Variants in ZNF268 observed in about 807,000 individuals in gnomAD.
ZNF268 encodes the protein zinc finger protein 268, also known as zinc finger protein 3.
Under a neutral mutation model 29.3 loss-of-function variants are expected in ZNF268, and 20 were observed. The ratio of observed to expected loss-of-function variants is 0.68; its 90% CI spans 0.48 to 0.99. ZNF268 has a LOEUF of 0.99. Among genes scored for constraint, ZNF268 ranks in the 50% least tolerant of loss-of-function variants. The pLI, the probability that ZNF268 is intolerant of heterozygous loss-of-function variation, is 0.00. For missense variants in ZNF268, 1,240 were observed against 1,121.6 expected (o/e 1.11, Z -1.51); for synonymous variants, 429 against 376.9 (o/e 1.14, Z -1.60).
rs919080528 is a variant in ZNF268, at chr12:133,212,249, C to G, written c.*7719C>G. The G allele has an allele frequency of 7.9e-5, 12 of 151,944 alleles. No homozygotes were observed. Among genetic ancestry groups the G allele is most frequent in the Middle Eastern group, 3.4e-3 (1 of 294 alleles). 9.4% of individuals were successfully genotyped at this position (151,944 alleles called of 1,614,324 possible). On this transcript the variant is annotated 3_prime_UTR_variant, in exon 6 of 6. Transcript: ENST00000536435. ...AAATAGGAGGATATAATGATAGAAA[C>G]AGGCACAAATGGGCCTTTGGAGAGT... is the stretch of plus-strand genomic sequence containing the variant.
chr12:133,193,549 G>T, intron 5 of ZNF268: 1 of 655,904 alleles, frequency 1.5e-6, no homozygotes. Context: ...GAACACTGTG[G>T]GACAGAAAGA....
In ZNF268 at chr12:133,211,091, C is replaced by T. The variant is rs1430156306; in HGVS notation, c.*6561C>T. 2 of 443,502 alleles carry T rather than the reference C, an allele frequency of 4.5e-6. No homozygotes were observed. Among genetic ancestry groups the T allele is most frequent in the African/African-American group, 4.0e-5 (2 of 49,548 alleles). The allele number at this position is 443,502 out of a possible 1,614,324, so 27.5% of individuals were successfully genotyped here. On this transcript the variant is annotated 3_prime_UTR_variant, in exon 6 of 6. Coordinates refer to ENST00000536435, the MANE Select transcript of ZNF268 (RefSeq NM_003415.3). ...AGATAATAAAAGGCAAAGTAGATGG[C>T]CATAGACAAAAGTCAAGTGATTTCC...
intron 3 of ZNF268, among the ~76,000 whole-genome samples, chr12:133,188,888 T>C (rs555170458): frequency 3.9e-5 from 6 of 152,304 alleles, no homozygotes; most frequent in African/African-American, 1.4e-4. Flanking sequence ...TGAACAGATA[T>C]TTCTAACTTT....
At chr12:133,201,563 C>T (rs1956753045) in intron 5 of ZNF268, among the ~76,000 whole-genome samples, 1 of 151,942 alleles carries the variant, frequency 6.6e-6, no homozygotes, top group South Asian at 2.1e-4. Flanking sequence ...GTTTTTGTTT[C>T]AGTTTTGATT....
chr12:133,204,287 T>G lies in ZNF268; in HGVS notation c.2601T>G (p.Ser867Arg). 1 of 1,554,478 alleles carries G rather than the reference T, an allele frequency of 6.4e-7. No homozygotes were observed. The highest frequency in any genetic ancestry group is 8.7e-7 in the Non-Finnish European group (1 of 1,153,194). ...MHTREKPYEC[S>R]ECGKAFIRNS... is the part of the protein sequence containing the mutation. ...CAAGAGAGAAACCATATGAATGCAGTGAGTGTGGAAAAGCCTTCATTAGGA... is the reference window on the plus strand; with the variant it reads ...CAAGAGAGAAACCATATGAATGCAGGGAGTGTGGAAAAGCCTTCATTAGGA... The change falls in exon 6 of 6, where the codon AGT (serine) becomes AGG (arginine). Residue 867 changes from serine to arginine, a missense_variant. Ser to Arg is a moderately radical substitution (Grantham distance 110). This residue lies in a region of ZNF268 where 1,177 missense variants were observed against 1,039.6 expected (regional missense o/e 1.13). Coordinates refer to ENST00000536435, the MANE Select transcript of ZNF268 (RefSeq NM_003415.3).
chr12:133,198,112 G>A (rs1956656598), intron 5 of ZNF268, among the ~76,000 whole-genome samples: 1 of 151,356 alleles, frequency 6.6e-6, no homozygotes. Flanking sequence ...CCTTGCCCAT[G>A]CCTATGTCCT....
chr12:133,196,739 C>G (rs1956608597), intron 5 of ZNF268, among the ~76,000 whole-genome samples: 1 of 152,150 alleles, frequency 6.6e-6, no homozygotes, highest in Admixed American at 6.6e-5. Context: ...AATAATATCA[C>G]TCCTTCTCAA....
Position 133,203,001 on chromosome 12 carries a change from A to T in ZNF268, c.1315A>T (p.Thr439Ser), listed in dbSNP as rs1215031327. ...CCTTATGGTACATCAGAGAACCCATACAGGGGAGAAACCTTATGTTTGTAG... is the reference window on the plus strand; with the variant it reads ...CCTTATGGTACATCAGAGAACCCATTCAGGGGAGAAACCTTATGTTTGTAG... ...SNLMVHQRTH[T>S]GEKPYVCSDC... The change falls in exon 6 of 6, where the codon ACA (threonine) becomes TCA (serine). Residue 439 changes from threonine (T) to serine (S), a missense_variant. By Grantham distance (58) the Thr-to-Ser change is moderately conservative. Coordinates refer to ENST00000536435, the MANE Select transcript of ZNF268 (RefSeq NM_003415.3). The T allele has an allele frequency of 1.9e-6, 3 of 1,548,452 alleles. No homozygotes were observed. Among genetic ancestry groups the T allele is most frequent in the Non-Finnish European group, 2.6e-6 (3 of 1,152,438 alleles).
In ZNF268 at chr12:133,202,394, T is replaced by C. The variant is rs776727752; in HGVS notation, c.708T>C (p.His236=). ...AGGTACATGGAAAATCATTCTTCCA[T>C]TCTAAACATGAGCAAACTGTTATTG... ...GFQVHGKSFF[H]SKHEQTVIGI... The change falls in exon 6 of 6, where the codon CAT becomes CAC. Residue 236 remains histidine (H), a synonymous_variant. Coordinates refer to ENST00000536435, the MANE Select transcript of ZNF268 (RefSeq NM_003415.3). The C allele has an allele frequency of 1.2e-6, 2 of 1,611,362 alleles. No individual in the cohort carries two copies. Among genetic ancestry groups the C allele is most frequent in the South Asian group, 2.2e-5 (2 of 90,822 alleles).
At position 133,213,833 on chromosome 12, in the gene ZNF268, A is replaced by C. The variant is rs1214357530; in HGVS notation, c.*9303A>C. 6.6e-6 allele frequency: 1 copy of C among 152,130 alleles called. No individual in the cohort carries two copies. The highest frequency in any genetic ancestry group is 6.6e-5 in the Admixed American group (1 of 15,254). 9.4% of individuals were successfully genotyped at this position (152,130 alleles called of 1,614,324 possible). A position where few individuals can be genotyped will look rare whatever the true frequency, so the allele number is the denominator to read the frequency against. ...GCTAATGTGGTGAAACCCTGTCTCTACAAAAAAATACAAAAAATTAGCCAG... is the reference window on the plus strand; with the variant it reads ...GCTAATGTGGTGAAACCCTGTCTCTCCAAAAAAATACAAAAAATTAGCCAG... On this transcript the variant is annotated 3_prime_UTR_variant, in exon 6 of 6. Coordinates refer to ENST00000536435, the MANE Select transcript of ZNF268 (RefSeq NM_003415.3).
chr12:133,193,467 G>T (rs780337637), intron 5 of ZNF268: 13 of 697,304 alleles, frequency 1.9e-5, no homozygotes, highest in Non-Finnish European at 3.4e-5. Flanking sequence ...GTGCTGGCAG[G>T]TTTGGTGTCT....
chr12:133,202,426 AATACT>A lies in ZNF268; in HGVS notation c.741_745del (p.Tyr248Ter). 1 of 1,610,846 alleles carries A rather than the reference AATACT, an allele frequency of 6.2e-7. No individual in the cohort carries two copies. The highest frequency in any genetic ancestry group is 8.5e-7 in the Non-Finnish European group (1 of 1,178,270). On this transcript the variant is annotated frameshift_variant, in exon 6 of 6. Coordinates refer to ENST00000536435, the MANE Select transcript of ZNF268 (RefSeq NM_003415.3). LOFTEE classifies it low-confidence loss of function (END_TRUNC). ...CATGAGCAAACTGTTATTGGAATAA[AATACT>A]GTGAAAGTATTGAATCTGGAAAAAC...
chr12:133,183,490 ACT>A (rs1956228024), intron 2 of ZNF268, among the ~76,000 whole-genome samples: 1 of 150,436 alleles, frequency 6.6e-6, no homozygotes, highest in South Asian at 2.1e-4. Context: ...ACAGAGCAAG[ACT>A]CTGTCTCAAA....
intron 2 of ZNF268, among the ~76,000 whole-genome samples, chr12:133,184,168 C>T (rs899532521): frequency 1.3e-5 from 2 of 151,168 alleles, no homozygotes; most frequent in Admixed American, 6.6e-5. Flanking sequence ...TGCGGTGGCG[C>T]GATCTTGGCT....
Position 133,208,402 on chromosome 12 carries a change from A to G in ZNF268, c.*3872A>G, listed in dbSNP as rs1031427353. ...TCCCATCTACTCGGGAGGCTGAGGC[A>G]GAAGAATTGCTTGAACCTAGGAGGT... On this transcript the variant is annotated 3_prime_UTR_variant, in exon 6 of 6. Coordinates refer to ENST00000536435, the MANE Select transcript of ZNF268 (RefSeq NM_003415.3). 3.3e-5 allele frequency: 5 copies of G among 152,280 alleles called. No homozygotes were observed. Among genetic ancestry groups the G allele is most frequent in the Non-Finnish European group, 5.9e-5 (4 of 68,128 alleles). 9.4% of individuals were successfully genotyped at this position (152,280 alleles called of 1,614,324 possible).
Position 133,203,298 on chromosome 12 carries a change from A to G in ZNF268, c.1612A>G (p.Ser538Gly), listed in dbSNP as rs1188723049. 18 of 1,540,684 alleles carry G rather than the reference A, an allele frequency of 1.2e-5. No homozygotes were observed. The Middle Eastern group carries it at 5.0e-4, about 43-fold the overall frequency. Residue 538 changes from serine to glycine, a missense_variant, in exon 6 of 6, where the codon AGT becomes GGT. This residue lies in a region of ZNF268 where 1,177 missense variants were observed against 1,039.6 expected (regional missense o/e 1.13). Coordinates refer to ENST00000536435, the MANE Select transcript of ZNF268 (RefSeq NM_003415.3). ...HECNNCGKAF[S>G]FKSQLIIHQR... Reference sequence around the variant, plus strand: ...ATGCAACAATTGTGGGAAAGCCTTCAGTTTTAAATCACAGCTCATTATACA... The same window carrying G: ...ATGCAACAATTGTGGGAAAGCCTTCGGTTTTAAATCACAGCTCATTATACA...
At chr12:133,197,372 A>C (rs1271760731) in intron 5 of ZNF268, among the ~76,000 whole-genome samples, 1 of 150,720 alleles carries the variant, frequency 6.6e-6, no homozygotes, top group African/African-American at 2.4e-5. Flanking sequence ...TGAACTCATC[A>C]TTTTTTATGG....
At chr12:133,198,126 T>A (rs1244184122) in intron 5 of ZNF268, among the ~76,000 whole-genome samples, 3 of 150,854 alleles carry the variant, frequency 2.0e-5, no homozygotes, top group Non-Finnish European at 3.0e-5. Context: ...ATGTCCTGAA[T>A]GGTAATGCCT....
rs762236210 is a variant in ZNF268 at position 133,204,075 on chromosome 12, A to G, written c.2389A>G (p.Ile797Val). ...TTTTAGCAGCAAGTCATACCTAATT[A>G]TACACATGAGAACTCATTCAGGTGA... The part of the protein sequence containing the change: ...KAFSSKSYLI[I>V]HMRTHSGEKP... The change falls in exon 6 of 6, where the codon ATA becomes GTA. Residue 797 changes from isoleucine to valine, a missense_variant. By Grantham distance (29) the Ile-to-Val change is conservative. Transcript: ENST00000536435. The G allele has an allele frequency of 1.5e-5, 24 of 1,554,678 alleles. No individual in the cohort carries two copies. The highest frequency in any genetic ancestry group is 8.2e-5 in the South Asian group (7 of 85,002).
Sources: gnomAD v4.1 joint callset for allele counts (sites outside exome capture counted in the v4.1 genomes callset) on GRCh38, gnomAD v4.1.1 for gene constraint, gnomAD v4.1.1 regional missense constraint, MANE v1.5 for transcripts, NCBI Gene and HGNC (gene_info 2026-07-23, HGNC 2026-07-21) for gene names.